The following TMCC1 variants were observed in gnomAD, a reference collection of about 807,000 sequenced individuals.
TMCC1 encodes the protein transmembrane and coiled-coil domain family 1.
A neutral mutation model predicts 52.4 loss-of-function variants in TMCC1; 15 were observed. The ratio of observed to expected loss-of-function variants is 0.29; its 90% CI spans 0.19 to 0.44. The LOEUF (loss-of-function observed/expected upper bound fraction) is 0.44. TMCC1 is among the 20% of genes least tolerant of loss of function. The pLI is 1.00. For missense variants in TMCC1, 503 were observed against 806.0 expected, an observed-to-expected ratio of 0.62 and a Z score of 4.55; for synonymous variants, 279 against 301.9, an observed-to-expected ratio of 0.92 and a Z score of 0.79.
intron 2 of TMCC1, among the ~76,000 whole-genome samples, chr3:129,853,469 A>G (rs1426032402): frequency 6.6e-6 from 1 of 151,826 alleles, no homozygotes; most frequent in Admixed American, 6.6e-5. Context: ...CAAAAAAATA[A>G]ACTTAAAAAA....
intron 4 of TMCC1, among the ~76,000 whole-genome samples, chr3:129,730,292 T>C (rs940840121): frequency 3.9e-5 from 6 of 152,134 alleles, no homozygotes; most frequent in Admixed American, 6.5e-5. Flanking sequence ...AAAAGTTTCA[T>C]AGTTTATTTT....
At chr3:129,686,262 A>G (rs2089401033) in intron 4 of TMCC1, among the ~76,000 whole-genome samples, 2 of 152,162 alleles carry the variant, frequency 1.3e-5, no homozygotes, top group African/African-American at 2.4e-5. Flanking sequence ...AGATACAAAT[A>G]CAAAATATTT....
chr3:129,891,142 A>C (rs927653365), intron 1 of TMCC1, among the ~76,000 whole-genome samples: 6 of 152,162 alleles, frequency 3.9e-5, no homozygotes, highest in Non-Finnish European at 8.8e-5. Context: ...TCACAACTCA[A>C]ATACCTTCTC....
chr3:129,671,203 T>A lies in TMCC1; in HGVS notation c.638A>T (p.Asp213Val). 6.2e-7 allele frequency: 1 copy of A among 1,614,126 alleles called. No individual in the cohort carries two copies. Among genetic ancestry groups the A allele is most frequent in the East Asian group, 2.2e-5 (1 of 44,874 alleles). Residue 213 changes from aspartate to valine, a missense_variant, in exon 5 of 7, where the codon GAT (aspartate) becomes GTT (valine). Coordinates refer to ENST00000393238, the MANE Select transcript of TMCC1 (RefSeq NM_001017395.5). ...CACAGAGTCTGTGTGGATGCTGCCA[T>A]CGGTACTGGAGGCCACTGCACTGGA... Reference protein sequence around the residue: ...QTSSAVASSTDGSIHTDSVDG... With the variant: ...QTSSAVASSTVGSIHTDSVDG...
chr3:129,763,197 C>CAAAAAAAA (rs1553860522), intron 4 of TMCC1, among the ~76,000 whole-genome samples: 5 of 122,594 alleles, frequency 4.1e-5, no homozygotes, highest in African/African-American at 1.7e-4. Flanking sequence ...GACTCTGTCT[C>CAAAAAAAA]AAAAAATAAA....
At chr3:129,791,920 C>CA (rs2056493532) in intron 4 of TMCC1, among the ~76,000 whole-genome samples, 1 of 152,110 alleles carries the variant, frequency 6.6e-6, no homozygotes, top group East Asian at 1.9e-4. Flanking sequence ...GCATGACTAT[C>CA]AACCTTAACA....
chr3:129,818,230 C>T (rs1233845629), intron 4 of TMCC1, among the ~76,000 whole-genome samples: 2 of 151,690 alleles, frequency 1.3e-5, no homozygotes, highest in Non-Finnish European at 2.9e-5. Flanking sequence ...GGTATGAGCC[C>T]CAGCACCTGG....
chr3:129,742,525 C>A (rs187969243), intron 4 of TMCC1, among the ~76,000 whole-genome samples: 9 of 152,200 alleles, frequency 5.9e-5, no homozygotes, highest in African/African-American at 1.2e-4. Flanking sequence ...CTACTTCATA[C>A]CCACTAGGAT....
At chr3:129,772,389 A>G (rs1331704184) in intron 4 of TMCC1, among the ~76,000 whole-genome samples, 1 of 151,950 alleles carries the variant, frequency 6.6e-6, no homozygotes, top group Non-Finnish European at 1.5e-5. Flanking sequence ...TTTCTATACA[A>G]AGAAAAAGAT....
At chr3:129,750,929 G>A (rs1306526412) in intron 4 of TMCC1, among the ~76,000 whole-genome samples, 1 of 151,552 alleles carries the variant, frequency 6.6e-6, no homozygotes, top group Non-Finnish European at 1.5e-5. Flanking sequence ...GTCTGGCACA[G>A]TGGCTCACAC....
intron 1 of TMCC1, among the ~76,000 whole-genome samples, chr3:129,887,556 A>AAC (rs1368722949): frequency 4.0e-5 from 6 of 151,660 alleles, no homozygotes; most frequent in African/African-American, 9.7e-5. Context: ...AAAAAAAAAA[A>AAC]AACAACAAAA....
At chr3:129,881,643 A>G (rs1290953763) in intron 1 of TMCC1, among the ~76,000 whole-genome samples, 1 of 152,216 alleles carries the variant, frequency 6.6e-6, no homozygotes, top group Non-Finnish European at 1.5e-5. Flanking sequence ...ATATTTTCGC[A>G]ACAAATTAAG....
intron 4 of TMCC1, among the ~76,000 whole-genome samples, chr3:129,785,564 CACACACACACACACACACACAA>C (rs1336082996): frequency 1.4e-5 from 2 of 141,990 alleles, no homozygotes; most frequent in African/African-American, 6.1e-5. Context: ...TATACATACA[CACACACACACACACACACACAA>C]ACACACACAC....
intron 4 of TMCC1, among the ~76,000 whole-genome samples, chr3:129,713,504 A>G (rs4688772): frequency 0.14 from 20,731 of 152,164 alleles, 2,189 homozygotes; most frequent in East Asian, 0.57. Context: ...AATATGTAAT[A>G]AAAGTTGTCT....
intron 2 of TMCC1, among the ~76,000 whole-genome samples, chr3:129,863,939 C>G (rs1483255413): frequency 6.6e-6 from 1 of 151,918 alleles, no homozygotes; most frequent in African/African-American, 2.4e-5. Flanking sequence ...CCCAACACAC[C>G]CCCAAATGCC....
intron 4 of TMCC1, among the ~76,000 whole-genome samples, chr3:129,761,504 G>A (rs1187262577): frequency 6.6e-6 from 1 of 151,936 alleles, no homozygotes; most frequent in Non-Finnish European, 1.5e-5. Context: ...AACTTTCTGG[G>A]CTCGATTTAG....
intron 4 of TMCC1, among the ~76,000 whole-genome samples, chr3:129,805,309 C>G (rs537935313): frequency 6.6e-6 from 1 of 152,018 alleles, no homozygotes; most frequent in Non-Finnish European, 1.5e-5. Flanking sequence ...ATTGTGGGCA[C>G]AGGCCACCAC....
intron 4 of TMCC1, among the ~76,000 whole-genome samples, chr3:129,767,978 C>G (rs1398286878): frequency 2.6e-5 from 4 of 152,164 alleles, no homozygotes; most frequent in African/African-American, 4.8e-5. Flanking sequence ...ATCACCTGAG[C>G]CCAGGAGTTT....
chr3:129,660,108 T>C (rs143701047), intron 5 of TMCC1, among the ~76,000 whole-genome samples: 136 of 152,338 alleles, frequency 8.9e-4, no homozygotes, highest in Middle Eastern at 3.4e-3. Context: ...CTTACTCCAC[T>C]GTTCACTGAT....
Sources: gnomAD v4.1 joint callset for allele counts (sites outside exome capture counted in the v4.1 genomes callset) on GRCh38, gnomAD v4.1.1 for gene constraint, MANE v1.5 for transcripts, NCBI Gene and HGNC (gene_info 2026-07-23, HGNC 2026-07-21) for gene names.